DISP1: variants seen among roughly 807,000 people sequenced by gnomAD.
DISP1 encodes dispatched RND transporter family member 1.
Under a neutral mutation model 37.3 loss-of-function variants are expected in DISP1, and 30 were observed. That is an observed-to-expected ratio of 0.80 (90% CI 0.60 to 1.09). DISP1 has a LOEUF of 1.09. Ranked by LOEUF, DISP1 falls within the 50% of genes least tolerant of loss-of-function variation. The pLI, the probability that DISP1 is intolerant of heterozygous loss-of-function variation, is 0.00. For synonymous variants in DISP1, 634 were observed against 690.2 expected, an observed-to-expected ratio of 0.92 and a Z score of 1.28; for missense variants, 1,598 against 1,879.5, an observed-to-expected ratio of 0.85 and a Z score of 2.77.
chr1:222,872,506 T>G (rs1669650854), intron 1 of DISP1: 1 of 152,238 alleles, frequency 6.6e-6, no homozygotes, highest in Non-Finnish European at 1.5e-5. Context: ...CTTCCTGGTT[T>G]AGTCTTGGGA....
chr1:222,910,326 G>A lies in DISP1; in HGVS notation c.-158-18104G>A, dbSNP rs535252616. 7.2e-5 allele frequency among the ~76,000 whole-genome samples: 11 copies of A among 152,250 alleles called. No individual in the cohort carries two copies. In the South Asian group the frequency reaches 2.3e-3, roughly 32 times the overall value. On this transcript the variant is annotated intron_variant, in intron 1 of 8. Transcript: ENST00000675850. ...TACAGTAAGCCATGATTGCACTATG[G>A]CACTCCAGCCTGGGGGTCGGAGTAA...
intron 1 of DISP1, among the ~76,000 whole-genome samples, chr1:222,828,359 A>G (rs1182681303): frequency 6.6e-6 from 1 of 152,132 alleles, no homozygotes; most frequent in Non-Finnish European, 1.5e-5. Flanking sequence ...AAATGTTAAT[A>G]TGCATACTTA....
At chr1:222,932,270 C>A (rs1673446761) in intron 2 of DISP1, among the ~76,000 whole-genome samples, 1 of 151,906 alleles carries the variant, frequency 6.6e-6, no homozygotes, top group South Asian at 2.1e-4. Context: ...CACTTCACTA[C>A]AATATGAATT....
intron 1 of DISP1, among the ~76,000 whole-genome samples, chr1:222,847,055 A>C (rs72742225): frequency 0.18 from 27,917 of 152,168 alleles, 2,830 homozygotes; most frequent in Middle Eastern, 0.33. Context: ...CTTGACCATT[A>C]ATAAGGATAT....
intron 1 of DISP1, among the ~76,000 whole-genome samples, chr1:222,862,895 G>T (rs61840271): frequency 0.11 from 17,459 of 151,996 alleles, 1,370 homozygotes; most frequent in Non-Finnish European, 0.16. Flanking sequence ...ACACATTCCA[G>T]GTAAGTTTCA....
In DISP1 at chr1:223,001,737, T is replaced by C. The variant is rs1679464199; in HGVS notation, c.988-648T>C. ...AAGCACTACTCCCATTCATGAGGGC[T>C]CCTCCCTTGTGATTTAGTCACCTTC... On this transcript the variant is annotated intron_variant, in intron 8 of 8. Coordinates refer to ENST00000675850, the MANE Select transcript of DISP1 (RefSeq NM_001377229.1). Among the ~76,000 whole-genome samples, 4 of 152,134 alleles carry C rather than the reference T, an allele frequency of 2.6e-5. No homozygotes were observed. The South Asian group carries it at 8.3e-4, about 32-fold the overall frequency.
At chr1:222,979,754 A>G (rs924896872) in intron 3 of DISP1, 40 of 442,878 alleles carry the variant, frequency 9.0e-5, no homozygotes, top group South Asian at 6.0e-4. Flanking sequence ...CCCTCTATGC[A>G]TACTTGGATA....
Position 223,005,027 on chromosome 1 carries a change from T to C in DISP1, c.3630T>C (p.Tyr1210=), listed in dbSNP as rs774939686. 2 of 1,614,188 alleles carry C rather than the reference T, an allele frequency of 1.2e-6. No individual in the cohort carries two copies. Among genetic ancestry groups the C allele is most frequent in the Non-Finnish European group, 8.5e-7 (1 of 1,180,036 alleles). The part of the protein sequence containing the change: ...HSCTAPEKTT[Y]EETHICSEFF... ...GCACTGCCCCTGAGAAGACCACTTATGAAGAGACCCACATCTGCTCTGAAT... is the reference window on the plus strand; with the variant it reads ...GCACTGCCCCTGAGAAGACCACTTACGAAGAGACCCACATCTGCTCTGAAT... Residue 1210 remains tyrosine, a synonymous_variant, in exon 9 of 9, where the codon TAT becomes TAC. Transcript: ENST00000675850.
chr1:222,960,490 T>C (rs1675971998), intron 3 of DISP1, among the ~76,000 whole-genome samples: 1 of 152,184 alleles, frequency 6.6e-6, no homozygotes, highest in East Asian at 1.9e-4. Flanking sequence ...GGGACATTTA[T>C]AGCACTAAAT....
chr1:222,848,971 C>A (rs988393072), intron 1 of DISP1, among the ~76,000 whole-genome samples: 1 of 152,052 alleles, frequency 6.6e-6, no homozygotes, highest in African/African-American at 2.4e-5. Context: ...TTATATAATA[C>A]CACAAAGAAG....
At chr1:222,821,984 C>A (rs1182322880) in intron 1 of DISP1, among the ~76,000 whole-genome samples, 1 of 152,140 alleles carries the variant, frequency 6.6e-6, no homozygotes, top group Non-Finnish European at 1.5e-5. Flanking sequence ...TCACCTTCCA[C>A]CATGATTGTA....
chr1:222,966,207 T>C (rs1676476147), intron 3 of DISP1, among the ~76,000 whole-genome samples: 1 of 152,204 alleles, frequency 6.6e-6, no homozygotes, highest in East Asian at 1.9e-4. Context: ...TAGATATTGT[T>C]GATTCAGGTG....
intron 3 of DISP1, among the ~76,000 whole-genome samples, chr1:222,977,534 CTT>C (rs35860006): frequency 0.031 from 4,134 of 132,314 alleles, 83 homozygotes; most frequent in South Asian, 0.1. Context: ...TTTTTAAATT[CTT>C]TTTTTTTTTT....
At chr1:222,863,411 T>G (rs1379632109) in intron 1 of DISP1, among the ~76,000 whole-genome samples, 1 of 151,854 alleles carries the variant, frequency 6.6e-6, no homozygotes, top group Non-Finnish European at 1.5e-5. Flanking sequence ...TCCCAGCTAC[T>G]TGGGAGGGAG....
chr1:222,875,439 T>G (rs1022940225), intron 1 of DISP1, among the ~76,000 whole-genome samples: 2 of 152,084 alleles, frequency 1.3e-5, no homozygotes, highest in Non-Finnish European at 2.9e-5. Flanking sequence ...TGACTCTTAT[T>G]TTGGCTTTTT....
chr1:222,950,149 A>G (rs1675103145), intron 3 of DISP1, among the ~76,000 whole-genome samples: 1 of 152,154 alleles, frequency 6.6e-6, no homozygotes. Context: ...TAGGTTATTG[A>G]GGTTAGGGAC....
chr1:222,918,805 A>C (rs147434597), intron 1 of DISP1, among the ~76,000 whole-genome samples: 9 of 152,342 alleles, frequency 5.9e-5, no homozygotes, highest in Non-Finnish European at 1.2e-4. Flanking sequence ...ATCAATGGAA[A>C]GTTTTACCCC....
Position 223,004,348 on chromosome 1 carries a change from C to A in DISP1, c.2951C>A (p.Thr984Asn). The part of the protein sequence containing the change: ...YDLQDSLSDG[T>N]LIAMGLSVAV... The stretch of plus-strand genomic sequence containing the variant: ...CTCCAGGATAGCCTCTCCGATGGCA[C>A]CCTCATTGCCATGGGGCTGTCAGTT... Residue 984 changes from threonine (T) to asparagine (N), a missense_variant, in exon 9 of 9, where the codon ACC (threonine) becomes AAC (asparagine). Coordinates refer to ENST00000675850, the MANE Select transcript of DISP1 (RefSeq NM_001377229.1). The surrounding 1 kb of genome is among the most constrained non-coding windows in gnomAD (Gnocchi z 4.9). 2 of 1,614,176 alleles carry A rather than the reference C, an allele frequency of 1.2e-6. No homozygotes were observed. Among genetic ancestry groups the A allele is most frequent in the South Asian group, 2.2e-5 (2 of 91,084 alleles).
intron 1 of DISP1, among the ~76,000 whole-genome samples, chr1:222,873,052 A>G (rs374619715): frequency 0.01 from 1,528 of 152,238 alleles, 27 homozygotes; most frequent in African/African-American, 0.035. Context: ...ATTCAGGAGC[A>G]GGTTGTTCAG....
Sources: allele counts gnomAD v4.1 joint callset (sites outside exome capture counted in the v4.1 genomes callset), GRCh38; gene constraint gnomAD v4.1.1; non-coding constraint Gnocchi (gnomAD v3.1); transcripts MANE v1.5; gene names NCBI Gene and HGNC (gene_info 2026-07-23, HGNC 2026-07-21).